Variants in SLC6A3 observed in about 807,000 individuals in gnomAD.
The protein encoded by SLC6A3 is sodium-dependent dopamine transporter.
A neutral mutation model predicts 70.4 loss-of-function variants in SLC6A3; 19 were observed. The ratio of observed to expected loss-of-function variants is 0.27; its 90% CI spans 0.19 to 0.40. The LOEUF is 0.40. SLC6A3 is among the 10% of genes least tolerant of loss of function. The pLI is 1.00. For missense variants in SLC6A3, 613 were observed against 838.5 expected (o/e 0.73, Z 3.32); for synonymous variants, 368 against 356.6 (o/e 1.03, Z -0.36).
rs186953547 is a variant in SLC6A3 at position 1,404,247 on chromosome 5, G to C, written c.1600-1158C>G. On this transcript the variant is annotated intron_variant, in intron 12 of 14. Coordinates refer to ENST00000270349, the MANE Select transcript of SLC6A3 (RefSeq NM_001044.5). This position sits in a 1 kb window ranked among gnomAD's most constrained non-coding sequence, Gnocchi z 5.2. ...TGGGATGGGGGCTGGGGTTGTGTCT[G>C]TCACGTGACCAGAGCCAGGGTGAGC... is the stretch of plus-strand genomic sequence containing the variant. Among the ~76,000 whole-genome samples the C allele has an allele frequency of 2.1e-4, 32 of 152,340 alleles. No homozygotes were observed. The highest frequency in any genetic ancestry group is 7.2e-4 in the African/African-American group (30 of 41,580).
Position 1,401,039 on chromosome 5 carries a change from CACCCACCACTGACTCACACTGCCAGG to C in SLC6A3, c.1768-79_1768-54del. 2.2e-6 allele frequency: 3 copies of C among 1,358,076 alleles called. No homozygotes were observed. Among genetic ancestry groups the C allele is most frequent in the Non-Finnish European group, 3.1e-6 (3 of 966,728 alleles). The allele number at this position is 1,358,076 out of a possible 1,614,324, so 84.1% of individuals were successfully genotyped here. Reference sequence around the variant, plus strand: ...AGTGCAGACCAGTACCCACTGCCAGCACCCACCACTGACTCACACTGCCAGGACCCTCACCTACCAGCACCCTCACC... The same window carrying C: ...AGTGCAGACCAGTACCCACTGCCAGCACCCTCACCTACCAGCACCCTCACC... On this transcript the variant is annotated intron_variant, in intron 13 of 14. Transcript: ENST00000270349. This position sits in a 1 kb window ranked among gnomAD's most constrained non-coding sequence, Gnocchi z 6.1.
In SLC6A3 at chr5:1,442,402, T is replaced by G. The variant is rs1442364584; in HGVS notation, c.286+510A>C. Among the ~76,000 whole-genome samples, 1 of 152,036 alleles carries G rather than the reference T, an allele frequency of 6.6e-6. No homozygotes were observed. Among genetic ancestry groups the G allele is most frequent in the Non-Finnish European group, 1.5e-5 (1 of 67,988 alleles). The stretch of plus-strand genomic sequence containing the variant: ...GGCTCCTGGGAAGGGATCACCAATG[T>G]TCTTGGACGTCCCCGGTGGCCCTGC... On this transcript the variant is annotated intron_variant, in intron 2 of 14. Coordinates refer to ENST00000270349, the MANE Select transcript of SLC6A3 (RefSeq NM_001044.5). This position sits in a 1 kb window ranked among gnomAD's most constrained non-coding sequence, Gnocchi z 5.0.
intron 4 of SLC6A3, among the ~76,000 whole-genome samples, chr5:1,426,164 T>C (rs1366592664): frequency 1.3e-5 from 2 of 152,242 alleles, no homozygotes; most frequent in East Asian, 3.9e-4. Flanking sequence ...TACTCAAAAG[T>C]AGGTACTCAA....
At chr5:1,433,339 A>G (rs942377230) in intron 3 of SLC6A3, among the ~76,000 whole-genome samples, 3 of 152,132 alleles carry the variant, frequency 2.0e-5, no homozygotes, top group Non-Finnish European at 2.9e-5. Flanking sequence ...AAGACTGCCA[A>G]TAGTCACTAA....
intron 3 of SLC6A3, among the ~76,000 whole-genome samples, chr5:1,433,309 C>T (rs944580886): frequency 2.0e-5 from 3 of 152,108 alleles, no homozygotes; most frequent in Non-Finnish European, 4.4e-5. Context: ...CAGGAACACC[C>T]AGTGTCTCCC....
rs1401517791 is a variant in SLC6A3 at position 1,405,968 on chromosome 5, C to T, written c.1599+220G>A. Among the ~76,000 whole-genome samples, 2 of 152,200 alleles carry T rather than the reference C, an allele frequency of 1.3e-5. No homozygotes were observed. Among genetic ancestry groups the T allele is most frequent in the Non-Finnish European group, 2.9e-5 (2 of 68,034 alleles). ...ACGGACTGTGACAGGGGTCCAAGAC[C>T]ATGTGAGGTTTTTTCGGTGGGTCTA... On this transcript the variant is annotated intron_variant, in intron 12 of 14. Coordinates refer to ENST00000270349, the MANE Select transcript of SLC6A3 (RefSeq NM_001044.5). This position sits in a 1 kb window ranked among gnomAD's most constrained non-coding sequence, Gnocchi z 5.3.
chr5:1,395,171 G>A (rs2111328338), intron 14 of SLC6A3, among the ~76,000 whole-genome samples: 1 of 151,784 alleles, frequency 6.6e-6, no homozygotes, highest in Admixed American at 6.5e-5. Flanking sequence ...CACCTTCCTG[G>A]GGGCCTCAGA....
At chr5:1,419,775 C>A (rs143081413) in intron 6 of SLC6A3, among the ~76,000 whole-genome samples, 247 of 152,250 alleles carry the variant, frequency 1.6e-3, no homozygotes, top group South Asian at 4.8e-3. Flanking sequence ...TTCAGTGCTG[C>A]AGGCACACTT....
Position 1,394,840 on chromosome 5 carries a change from A to G in SLC6A3, c.1840-82T>C. Reference sequence around the variant, plus strand: ...GCTGAAGGTGGCTAAGAGCAGCTGAAGGCAGTGAGCAGACAGTTTGCAGCC... The same window carrying G: ...GCTGAAGGTGGCTAAGAGCAGCTGAGGGCAGTGAGCAGACAGTTTGCAGCC... On this transcript the variant is annotated intron_variant, in intron 14 of 14. Transcript: ENST00000270349. The surrounding 1 kb of genome is among the most constrained non-coding windows in gnomAD (Gnocchi z 4.7). The G allele has an allele frequency of 6.7e-7, 1 of 1,491,784 alleles. No individual in the cohort carries two copies. The highest frequency in any genetic ancestry group is 9.3e-7 in the Non-Finnish European group (1 of 1,069,818). 92.4% of individuals were successfully genotyped at this position (1,491,784 alleles called of 1,614,324 possible). A position where few individuals can be genotyped will look rare whatever the true frequency, so the allele number is the denominator to read the frequency against.
At chr5:1,400,860 C>T in intron 14 of SLC6A3, 55 bp downstream of exon 14, 1 of 1,364,828 alleles carries the variant, frequency 7.3e-7, no homozygotes. Context: ...GAACACTGAG[C>T]TTGGGATCAT....
intron 3 of SLC6A3, among the ~76,000 whole-genome samples, chr5:1,439,016 C>T (rs968039255): frequency 1.1e-4 from 17 of 152,220 alleles, no homozygotes; most frequent in Admixed American, 3.9e-4. Context: ...GAAACACGTC[C>T]GTGCCGCTGG....
rs376589256 is a variant in SLC6A3 at position 1,441,701 on chromosome 5, T to A, written c.287-211A>T. 1.6e-3 allele frequency among the ~76,000 whole-genome samples: 246 copies of A among 152,226 alleles called. 1 individual carries two copies. The highest frequency in any genetic ancestry group is 5.7e-3 in the African/African-American group (237 of 41,558). On this transcript the variant is annotated intron_variant, in intron 2 of 14. Transcript: ENST00000270349. ...CCTGACACGTCCCTCCTGGATCCCC[T>A]TGTCATTGCGCACCTCGAGCCATGA...
In SLC6A3 at chr5:1,443,262, T is replaced by C. The variant is rs538043762; in HGVS notation, c.-45-20A>G. 1.0e-4 allele frequency: 164 copies of C among 1,567,362 alleles called. No individual in the cohort carries two copies. The African/African-American group carries it at 1.7e-3, about 16-fold the overall frequency. ...CTTGGTCTTCAGCCAATATGAAAAA[T>C]AAACACACAACAGGAACGCAACAAT... On this transcript the variant is annotated intron_variant, in intron 1 of 14. Coordinates refer to ENST00000270349, the MANE Select transcript of SLC6A3 (RefSeq NM_001044.5).
intron 10 of SLC6A3, 79 bp downstream of exon 10, chr5:1,409,642 A>G: frequency 6.5e-7 from 1 of 1,546,668 alleles, no homozygotes; most frequent in Non-Finnish European, 8.9e-7. Context: ...GTCTGGCCTG[A>G]CAGTCCCAGC....
intron 4 of SLC6A3, among the ~76,000 whole-genome samples, chr5:1,425,369 C>T (rs1756554263): frequency 6.6e-6 from 1 of 152,236 alleles, no homozygotes; most frequent in Non-Finnish European, 1.5e-5. Context: ...ACAAATCTAA[C>T]ACTCTCTAAA....
intron 4 of SLC6A3, among the ~76,000 whole-genome samples, chr5:1,424,773 C>T (rs1413250771): frequency 1.3e-5 from 2 of 152,250 alleles, no homozygotes; most frequent in Admixed American, 6.5e-5. Context: ...AGCACCTTGA[C>T]ACACTGGGTC....
At chr5:1,419,598 G>T (rs953451309) in intron 6 of SLC6A3, among the ~76,000 whole-genome samples, 26 of 152,146 alleles carry the variant, frequency 1.7e-4, no homozygotes, top group Middle Eastern at 3.2e-3. Context: ...CCTTTCTGGG[G>T]TCCAGACGCC....
intron 2 of SLC6A3, among the ~76,000 whole-genome samples, chr5:1,441,986 C>T (rs1476634342): frequency 6.6e-6 from 1 of 152,140 alleles, no homozygotes; most frequent in Non-Finnish European, 1.5e-5. Context: ...TCTTTGCTGC[C>T]CCAGGTGCTG....
rs1755972462 is a variant in SLC6A3, at chr5:1,406,099, C to A, written c.1599+89G>T. On this transcript the variant is annotated intron_variant, in intron 12 of 14. Coordinates refer to ENST00000270349, the MANE Select transcript of SLC6A3 (RefSeq NM_001044.5). The surrounding 1 kb of genome is among the most constrained non-coding windows in gnomAD (Gnocchi z 8.8). ...CCCCTGACTCCAGCCACAGTGACAA[C>A]CCACATGCGGGCGCTGGACCTCGGG... The A allele has an allele frequency of 1.1e-6, 1 of 928,810 alleles. No individual in the cohort carries two copies. Among genetic ancestry groups the A allele is most frequent in the African/African-American group, 1.6e-5 (1 of 61,902 alleles). The allele number at this position is 928,810 out of a possible 1,614,324, so 57.5% of individuals were successfully genotyped here. A position where few individuals can be genotyped will look rare whatever the true frequency, so the allele number is the denominator to read the frequency against.
Sources: allele counts gnomAD v4.1 joint callset (sites outside exome capture counted in the v4.1 genomes callset), GRCh38; gene constraint gnomAD v4.1.1; non-coding constraint Gnocchi (gnomAD v3.1); transcripts MANE v1.5; gene names NCBI Gene and HGNC (gene_info 2026-07-23, HGNC 2026-07-21).